The following UNC13C variants were observed in gnomAD, a reference collection of about 807,000 sequenced individuals.
UNC13C encodes protein unc-13 homolog C.
UNC13C carries 174 observed loss-of-function variants against 245.4 expected under a neutral mutation model. The observed-to-expected ratio is 0.71, with a 90% CI of 0.63 to 0.80. The LOEUF (loss-of-function observed/expected upper bound fraction) is 0.80. Among genes scored for constraint, UNC13C ranks in the 30% least tolerant of loss-of-function variants. The pLI, the probability that UNC13C is intolerant of heterozygous loss-of-function variation, is 0.00. For synonymous variants in UNC13C, 992 were observed against 895.1 expected, an observed-to-expected ratio of 1.11 and a Z score of -1.93; for missense variants, 2,829 against 2,602.9, an observed-to-expected ratio of 1.09 and a Z score of -1.89.
At chr15:54,378,147 A>T (rs1413105407) in intron 17 of UNC13C, among the ~76,000 whole-genome samples, 1 of 152,200 alleles carries the variant, frequency 6.6e-6, no homozygotes, top group Non-Finnish European at 1.5e-5. Flanking sequence ...TCTCTGTTGA[A>T]CATTTTACTC....
chr15:54,601,321 G>A (rs1423021618), intron 30 of UNC13C, among the ~76,000 whole-genome samples: 7 of 152,288 alleles, frequency 4.6e-5, no homozygotes, highest in Middle Eastern at 6.8e-3. Flanking sequence ...ATCTCCTGGT[G>A]CAAGAGGCCA....
chr15:54,016,226 C>A (rs1162806856), intron 2 of UNC13C, among the ~76,000 whole-genome samples: 2 of 152,104 alleles, frequency 1.3e-5, no homozygotes, highest in African/African-American at 4.8e-5. Flanking sequence ...TTGAGTGAAA[C>A]CAAAGGTTAA....
At chr15:53,857,684 A>T in the UNC13C span, among the ~76,000 whole-genome samples, 2 of 152,224 alleles carry the variant, frequency 1.3e-5, no homozygotes, top group South Asian at 4.1e-4. Context: ...ATTATTAACC[A>T]ACTGCTGCTG....
intron 5 of UNC13C, among the ~76,000 whole-genome samples, chr15:54,236,061 C>A (rs935388959): frequency 1.3e-5 from 2 of 150,720 alleles, no homozygotes; most frequent in African/African-American, 2.4e-5. Context: ...CTTCTATCAT[C>A]CAAAATATCT....
At chr15:53,995,769 G>GA (rs2140966854) in intron 1 of UNC13C, among the ~76,000 whole-genome samples, 1 of 152,224 alleles carries the variant, frequency 6.6e-6, no homozygotes, top group African/African-American at 2.4e-5. Flanking sequence ...TGATAGGTTG[G>GA]AGAAGATTAA....
chr15:54,032,339 A>C (rs565153606), intron 2 of UNC13C, among the ~76,000 whole-genome samples: 1 of 152,324 alleles, frequency 6.6e-6, no homozygotes, highest in South Asian at 2.1e-4. Context: ...TTTGATTACA[A>C]GGCCGGATAA....
the UNC13C span, among the ~76,000 whole-genome samples, chr15:53,837,741 GTATGAGA>G: frequency 4.6e-5 from 7 of 152,236 alleles, 1 homozygote; most frequent in African/African-American, 1.7e-4. Context: ...CTTGTGTGTA[GTATGAGA>G]TAGGAATCCC....
intron 30 of UNC13C, among the ~76,000 whole-genome samples, chr15:54,588,824 T>C (rs1303565693): frequency 6.6e-6 from 1 of 152,220 alleles, no homozygotes; most frequent in Non-Finnish European, 1.5e-5. Context: ...ATTCATTCCT[T>C]TTTATGGCTC....
intron 19 of UNC13C, among the ~76,000 whole-genome samples, chr15:54,440,944 A>C (rs1890494313): frequency 6.6e-6 from 1 of 151,924 alleles, no homozygotes; most frequent in Non-Finnish European, 1.5e-5. Context: ...CATGTTGACC[A>C]CTTGTATGTC....
intron 30 of UNC13C, among the ~76,000 whole-genome samples, chr15:54,600,018 T>C (rs922650227): frequency 6.6e-6 from 1 of 152,104 alleles, no homozygotes; most frequent in African/African-American, 2.4e-5. Flanking sequence ...TAGGAAGAAA[T>C]TTCCTAGGTC....
chr15:53,879,967 G>GTT, the UNC13C span, among the ~76,000 whole-genome samples: 8 of 150,948 alleles, frequency 5.3e-5, no homozygotes, highest in Admixed American at 3.3e-4. Context: ...GTGTGTGTGT[G>GTT]TGTGTATATA....
At position 54,336,643 on chromosome 15, in the gene UNC13C, T is replaced by C. The variant is rs188926058; in HGVS notation, c.4585-1718T>C. On this transcript the variant is annotated intron_variant, in intron 16 of 32. Coordinates refer to ENST00000260323, the MANE Select transcript of UNC13C (RefSeq NM_001080534.3). ...TGGGGATTGTTTTGCTGGTTGTTTT[T>C]GTTTGATATAAGGTGTAAAGTGTGA... Among the ~76,000 whole-genome samples the C allele has an allele frequency of 3.9e-5, 6 of 152,232 alleles. No individual in the cohort carries two copies. In the East Asian group the frequency reaches 9.6e-4, roughly 24 times the overall value.
chr15:54,557,811 C>T (rs1473386611), intron 29 of UNC13C, among the ~76,000 whole-genome samples: 3 of 151,930 alleles, frequency 2.0e-5, no homozygotes. Flanking sequence ...TTTCAAATTT[C>T]TCTTATGTAC....
At chr15:54,500,523 A>G (rs1232221879) in intron 21 of UNC13C, among the ~76,000 whole-genome samples, 1 of 152,078 alleles carries the variant, frequency 6.6e-6, no homozygotes, top group Non-Finnish European at 1.5e-5. Flanking sequence ...CCTGTGAAGC[A>G]GCTCCCAAAA....
chr15:54,393,488 T>C (rs2140917838), intron 18 of UNC13C, among the ~76,000 whole-genome samples: 1 of 151,888 alleles, frequency 6.6e-6, no homozygotes, highest in Admixed American at 6.6e-5. Flanking sequence ...AAGAAAAAAA[T>C]GTACACTCCC....
intron 29 of UNC13C, 48 bp downstream of exon 29, chr15:54,555,560 A>G: frequency 3.5e-6 from 5 of 1,433,370 alleles, no homozygotes; most frequent in Non-Finnish European, 4.9e-6. Flanking sequence ...GCCCCCATTT[A>G]CCTCCAGAGA....
chr15:54,073,470 A>C (rs556215872), intron 2 of UNC13C, among the ~76,000 whole-genome samples: 1 of 152,268 alleles, frequency 6.6e-6, no homozygotes, highest in East Asian at 1.9e-4. Flanking sequence ...GTCTTCCACA[A>C]TGGTTAAACT....
chr15:54,595,431 C>T (rs1233966722), intron 30 of UNC13C, among the ~76,000 whole-genome samples: 5 of 152,038 alleles, frequency 3.3e-5, no homozygotes, highest in African/African-American at 1.2e-4. Context: ...TTTGGGGTGT[C>T]GCCCGGTCCC....
At chr15:54,453,663 C>CTATA (rs1206766745) in intron 19 of UNC13C, among the ~76,000 whole-genome samples, 2 of 152,178 alleles carry the variant, frequency 1.3e-5, no homozygotes, top group Non-Finnish European at 2.9e-5. Flanking sequence ...GATTAACATG[C>CTATA]TATACCTTTT....
Sources: gnomAD v4.1 joint callset for allele counts (sites outside exome capture counted in the v4.1 genomes callset) on GRCh38, gnomAD v4.1.1 for gene constraint, MANE v1.5 for transcripts, NCBI Gene and HGNC (gene_info 2026-07-23, HGNC 2026-07-21) for gene names.